KIFAP3: variants seen among roughly 807,000 people sequenced by gnomAD.
KIFAP3 encodes the protein kinesin associated protein 3, also known as kinesin-associated protein 3.
In KIFAP3, 68 loss-of-function variants were observed where a neutral mutation model predicts 106.5. The observed-to-expected ratio is 0.64, with a 90% CI of 0.53 to 0.78. The LOEUF (loss-of-function observed/expected upper bound fraction) is 0.78. Among genes scored for constraint, KIFAP3 ranks in the 30% least tolerant of loss-of-function variants. The pLI, the probability that KIFAP3 is intolerant of heterozygous loss-of-function variation, is 0.00. For synonymous variants in KIFAP3, 320 were observed against 311.5 expected (o/e 1.03, Z -0.29); for missense variants, 780 against 941.8 (o/e 0.83, Z 2.25).
chr1:170,053,596 C>T (rs1231740857), intron 2 of KIFAP3, among the ~76,000 whole-genome samples: 1 of 151,908 alleles, frequency 6.6e-6, no homozygotes, highest in African/African-American at 2.4e-5. Flanking sequence ...TCAAACTATA[C>T]TACAAGGCTA....
At chr1:170,022,755 T>C (rs1347193659) in intron 9 of KIFAP3, among the ~76,000 whole-genome samples, 1 of 152,200 alleles carries the variant, frequency 6.6e-6, no homozygotes, top group Non-Finnish European at 1.5e-5. Flanking sequence ...CAAACTTTTC[T>C]GAACCTCAGT....
At chr1:170,008,980 A>G (rs1454266263) in intron 10 of KIFAP3, among the ~76,000 whole-genome samples, 1 of 152,206 alleles carries the variant, frequency 6.6e-6, no homozygotes, top group Non-Finnish European at 1.5e-5. Context: ...GACATGGATG[A>G]AGCTGGAAAC....
At chr1:170,016,131 C>A (rs536091754) in intron 10 of KIFAP3, among the ~76,000 whole-genome samples, 1 of 151,914 alleles carries the variant, frequency 6.6e-6, no homozygotes, top group Non-Finnish European at 1.5e-5. Context: ...TTAAACGATA[C>A]CTGCGTTGTT....
rs187890619 is a variant in KIFAP3 at position 169,974,064 on chromosome 1, T to C, written c.1898-1466A>G. 3.6e-3 allele frequency among the ~76,000 whole-genome samples: 545 copies of C among 151,892 alleles called. 7 individuals carry two copies. The highest frequency in any genetic ancestry group is 0.012 in the African/African-American group (494 of 41,486). ...GAAGTGGAGATATTAGACTGTCAAA[T>C]AGAAACATATACTCCTTTAGAACTT... On this transcript the variant is annotated intron_variant, in intron 16 of 19. Transcript: ENST00000361580.
Position 170,052,260 on chromosome 1 carries a change from C to G in KIFAP3, c.164+3045G>C, listed in dbSNP as rs912565972. Among the ~76,000 whole-genome samples the G allele has an allele frequency of 1.3e-5, 2 of 152,216 alleles. 1 individual carries two copies. Among genetic ancestry groups the G allele is most frequent in the Non-Finnish European group, 2.9e-5 (2 of 68,010 alleles). ...TAAGAAATGAATAAATTCCAGGACA[C>G]ATACACCCTCCCAAGACTAAACCAG... On this transcript the variant is annotated intron_variant, in intron 2 of 19. Transcript: ENST00000361580.
intron 18 of KIFAP3, 140 bp from the exon 19 acceptor site, chr1:169,954,250 T>A (rs1664888713): frequency 1.6e-6 from 1 of 610,672 alleles, no homozygotes; most frequent in African/African-American, 1.9e-5. Context: ...TCTCTGGGAG[T>A]ATGAACAGAC....
intron 16 of KIFAP3, among the ~76,000 whole-genome samples, chr1:169,976,779 C>A (rs1372341217): frequency 1.3e-5 from 2 of 152,164 alleles, no homozygotes; most frequent in Non-Finnish European, 2.9e-5. Context: ...TGCAGTGGCA[C>A]AATCATAGCT....
At position 170,032,862 on chromosome 1, in the gene KIFAP3, T is replaced by A. The variant is rs115141447; in HGVS notation, c.743-878A>T. On this transcript the variant is annotated intron_variant, in intron 7 of 19. Transcript: ENST00000361580. ...GTGTCATAGTTTAATTGAAAGCATATGTTCCTCTCCTCGCACTTAAACAAT... is the reference window on the plus strand; with the variant it reads ...GTGTCATAGTTTAATTGAAAGCATAAGTTCCTCTCCTCGCACTTAAACAAT... 5.9e-3 allele frequency among the ~76,000 whole-genome samples: 899 copies of A among 151,838 alleles called. 4 individuals carry two copies. Among genetic ancestry groups the A allele is most frequent in the African/African-American group, 0.02 (849 of 41,556 alleles).
intron 9 of KIFAP3, among the ~76,000 whole-genome samples, chr1:170,017,048 A>G (rs925713325): frequency 2.0e-5 from 3 of 152,136 alleles, no homozygotes; most frequent in Admixed American, 6.5e-5. Context: ...CACGAGGTCA[A>G]GAGATTGAGG....
chr1:169,992,582 A>G (rs972360694), intron 10 of KIFAP3, among the ~76,000 whole-genome samples: 1 of 152,174 alleles, frequency 6.6e-6, no homozygotes, highest in Non-Finnish European at 1.5e-5. Context: ...CTGTTTTATC[A>G]AAATATGTGA....
chr1:170,058,543 T>C (rs964483012), intron 1 of KIFAP3, among the ~76,000 whole-genome samples: 5 of 152,158 alleles, frequency 3.3e-5, no homozygotes, highest in Non-Finnish European at 7.4e-5. Context: ...AATAGGCTGC[T>C]TAATGGGGAA....
rs969643915 is a variant in KIFAP3 at position 169,984,627 on chromosome 1, T to C, written c.1348A>G (p.Ile450Val). The change falls in exon 12 of 20, where the codon ATT becomes GTT. Residue 450 changes from isoleucine (I) to valine (V), a missense_variant. Coordinates refer to ENST00000361580, the MANE Select transcript of KIFAP3 (RefSeq NM_014970.4). ...RIDLELISFC[I>V]NLAANKRNVQ... ...TTTCTTTTGTTAGCAGCAAGATTAA[T>C]GCAGAAAGAAATGAGTTCCAAGTCA... is the stretch of plus-strand genomic sequence containing the variant. 8 of 1,608,834 alleles carry C rather than the reference T, an allele frequency of 5.0e-6. No homozygotes were observed. The African/African-American group carries it at 9.4e-5, about 19-fold the overall frequency.
rs16862917 is a variant in KIFAP3, at chr1:170,002,460, C to T, written c.1184-10205G>A. 6.7e-3 allele frequency among the ~76,000 whole-genome samples: 1,027 copies of T among 152,218 alleles called. 15 individuals carry two copies. Among genetic ancestry groups the T allele is most frequent in the African/African-American group, 0.023 (937 of 41,532 alleles). On this transcript the variant is annotated intron_variant, in intron 10 of 19. Transcript: ENST00000361580. ...AAAATTGTGAAACAGGCCTGATGTG[C>T]TATTGAATTTAGGAGTCCCAATTTT... is the stretch of plus-strand genomic sequence containing the variant.
In KIFAP3 at chr1:169,995,676, TC is replaced by T. The variant is rs567510393; in HGVS notation, c.1184-3422del. On this transcript the variant is annotated intron_variant, in intron 10 of 19. Coordinates refer to ENST00000361580, the MANE Select transcript of KIFAP3 (RefSeq NM_014970.4). Reference sequence around the variant, plus strand: ...AATGAAACAGGAAGCTATTCTATACTCTAGGAGAATCTGTCTGCTGCTCATG... The same window carrying T: ...AATGAAACAGGAAGCTATTCTATACTTAGGAGAATCTGTCTGCTGCTCATG... 2.8e-3 allele frequency among the ~76,000 whole-genome samples: 426 copies of T among 152,158 alleles called. 1 individual carries two copies. Among genetic ancestry groups the T allele is most frequent in the African/African-American group, 9.8e-3 (409 of 41,544 alleles).
chr1:169,989,966 T>C (rs996931362), intron 11 of KIFAP3: 4 of 1,278,498 alleles, frequency 3.1e-6, no homozygotes, highest in African/African-American at 1.5e-5. Flanking sequence ...AATTATGTAG[T>C]AGGAGTCAAG....
chr1:169,954,463 A>C (rs1051784423), intron 18 of KIFAP3, among the ~76,000 whole-genome samples: 1 of 152,222 alleles, frequency 6.6e-6, no homozygotes, highest in African/African-American at 2.4e-5. Flanking sequence ...AGGATGGTTC[A>C]GGCTAAGGAA....
At chr1:169,949,896 A>C (rs1443038999) in intron 19 of KIFAP3, among the ~76,000 whole-genome samples, 1 of 152,144 alleles carries the variant, frequency 6.6e-6, no homozygotes. Context: ...AACTGCCAAT[A>C]TCTATTTTAT....
intron 9 of KIFAP3, among the ~76,000 whole-genome samples, chr1:170,018,577 TA>T (rs1179016697): frequency 8.2e-6 from 1 of 122,420 alleles, no homozygotes; most frequent in Non-Finnish European, 1.8e-5. Flanking sequence ...AAATTTAATT[TA>T]ATCAAAGGAT....
chr1:170,075,793 C>T (rs2102188593), upstream of KIFAP3, among the ~76,000 whole-genome samples: 1 of 152,338 alleles, frequency 6.6e-6, no homozygotes, highest in East Asian at 1.9e-4. Context: ...TTACAAAATT[C>T]TATCTTTTCT....
Sources: gnomAD v4.1 joint callset for allele counts (sites outside exome capture counted in the v4.1 genomes callset) on GRCh38, gnomAD v4.1.1 for gene constraint, MANE v1.5 for transcripts, NCBI Gene and HGNC (gene_info 2026-07-23, HGNC 2026-07-21) for gene names.